The following DNAH11 variants were observed in gnomAD, a reference collection of about 807,000 sequenced individuals.
DNAH11 encodes the protein axonemal beta dynein heavy chain 11.
DNAH11 carries 442 observed loss-of-function variants against 526.0 expected under a neutral mutation model. That is an observed-to-expected ratio of 0.84 (90% CI 0.78 to 0.91). The LOEUF (loss-of-function observed/expected upper bound fraction) is 0.91, where lower values mean the gene tolerates loss of function less well. Ranked by LOEUF, DNAH11 falls within the 40% of genes least tolerant of loss-of-function variation. The pLI is 0.00. For missense variants in DNAH11, 6,989 were observed against 5,448.7 expected, an observed-to-expected ratio of 1.28 and a Z score of -8.90; for synonymous variants, 2,461 against 1,935.9, an observed-to-expected ratio of 1.27 and a Z score of -7.12.
In DNAH11 at chr7:21,635,992, G is replaced by T; in HGVS notation, c.4622G>T (p.Arg1541Leu). Reference sequence around the variant, plus strand: ...ATCTTCACTTGGATGGAAGTCCAGCGAACTTGGTCTCACCTGGAAAGCATT... The same window carrying T: ...ATCTTCACTTGGATGGAAGTCCAGCTAACTTGGTCTCACCTGGAAAGCATT... ...LVIFTWMEVQRTWSHLESIFV... is the reference protein window; with the variant it reads ...LVIFTWMEVQLTWSHLESIFV... Residue 1541 changes from arginine (R) to leucine (L), a missense_variant, in exon 26 of 82, where the codon CGA (arginine) becomes CTA (leucine). Physicochemically the swap from Arg to Leu is moderately radical, Grantham distance 102. Transcript: ENST00000409508. 9 of 1,613,684 alleles carry T rather than the reference G, an allele frequency of 5.6e-6. No individual in the cohort carries two copies. The highest frequency in any genetic ancestry group is 7.6e-6 in the Non-Finnish European group (9 of 1,179,760).
chr7:21,762,757 G>A (rs1786977551), intron 54 of DNAH11, among the ~76,000 whole-genome samples: 1 of 152,078 alleles, frequency 6.6e-6, no homozygotes, highest in Non-Finnish European at 1.5e-5. Flanking sequence ...GAATCAACTT[G>A]AAATAAATTA....
At chr7:21,883,552 C>T (rs1299512595) in intron 75 of DNAH11, among the ~76,000 whole-genome samples, 2 of 152,132 alleles carry the variant, frequency 1.3e-5, no homozygotes, top group Non-Finnish European at 2.9e-5. Context: ...CTAAATACAC[C>T]CCAAATTCAA....
At chr7:21,760,775 G>C (rs1786864389) in intron 54 of DNAH11, among the ~76,000 whole-genome samples, 1 of 152,142 alleles carries the variant, frequency 6.6e-6, no homozygotes, top group Non-Finnish European at 1.5e-5. Flanking sequence ...GCTTCCATTA[G>C]AGTCCATGAA....
At chr7:21,566,234 C>A (rs1246765269) in intron 6 of DNAH11, among the ~76,000 whole-genome samples, 1 of 152,154 alleles carries the variant, frequency 6.6e-6, no homozygotes, top group African/African-American at 2.4e-5. Context: ...TCTAGTCTTT[C>A]AACAGCCAGA....
intron 54 of DNAH11, among the ~76,000 whole-genome samples, chr7:21,758,580 A>G (rs1444098112): frequency 6.6e-6 from 1 of 152,190 alleles, no homozygotes; most frequent in Non-Finnish European, 1.5e-5. Context: ...TAAAATCACA[A>G]CGATGTACTT....
intron 54 of DNAH11, among the ~76,000 whole-genome samples, chr7:21,762,564 G>A (rs10227372): frequency 0.87 from 132,649 of 152,244 alleles, 58,268 homozygotes; most frequent in Non-Finnish European, 0.92. Flanking sequence ...TTGAGATATA[G>A]GTAAAAACTA....
intron 63 of DNAH11, among the ~76,000 whole-genome samples, chr7:21,808,472 G>A (rs1356185050): frequency 1.3e-5 from 2 of 151,968 alleles, no homozygotes; most frequent in African/African-American, 4.8e-5. Flanking sequence ...ATTGAGTACT[G>A]GCACTTATTT....
At chr7:21,648,737 A>G (rs966753551) in intron 28 of DNAH11, among the ~76,000 whole-genome samples, 8 of 152,216 alleles carry the variant, frequency 5.3e-5, no homozygotes, top group Admixed American at 2.0e-4. Flanking sequence ...ATATATGTGT[A>G]TGTGGATATA....
chr7:21,593,575 G>A (rs1465515461), intron 14 of DNAH11, among the ~76,000 whole-genome samples: 3 of 152,066 alleles, frequency 2.0e-5, no homozygotes, highest in Non-Finnish European at 4.4e-5. Flanking sequence ...TGAGGGAAAT[G>A]GGATTTAGTA....
In DNAH11 at chr7:21,661,826, A is replaced by AT. The variant is rs1010247122; in HGVS notation, c.5328+2805dup. On this transcript the variant is annotated intron_variant, in intron 30 of 81. Coordinates refer to ENST00000409508, the MANE Select transcript of DNAH11 (RefSeq NM_001277115.2). ...ACTTAGTTAGTATATGGAAAATACT[A>AT]TTTTTTTTTTGAGATGGAGTTTCGC... Among the ~76,000 whole-genome samples, 34 of 149,718 alleles carry AT rather than the reference A, an allele frequency of 2.3e-4. 1 individual carries two copies. The highest frequency in any genetic ancestry group is 2.2e-4 in the African/African-American group (9 of 40,924).
At chr7:21,646,239 A>T (rs901946834) in intron 28 of DNAH11, among the ~76,000 whole-genome samples, 6 of 152,230 alleles carry the variant, frequency 3.9e-5, no homozygotes, top group African/African-American at 1.2e-4. Flanking sequence ...AGATAACAGG[A>T]TGGCCAAGAT....
At chr7:21,591,672 C>G (rs1474736905) in intron 14 of DNAH11, 95 bp downstream of exon 14, 1 of 1,279,482 alleles carries the variant, frequency 7.8e-7, no homozygotes, top group South Asian at 2.2e-5. Context: ...ACTCTTTTAT[C>G]AAGCCTGAAA....
chr7:21,735,595 C>G (rs1220654631), intron 45 of DNAH11, 45 bp from the exon 46 acceptor site: 3 of 1,535,072 alleles, frequency 2.0e-6, no homozygotes, highest in Non-Finnish European at 2.6e-6. Context: ...CGCACGCACT[C>G]TCTCTCTCTT....
rs138693400 is a variant in DNAH11, at chr7:21,815,049, G to A, written c.10333-1418G>A. Among the ~76,000 whole-genome samples the A allele has an allele frequency of 1.5e-4, 23 of 152,094 alleles. No homozygotes were observed. In the East Asian group the frequency reaches 4.1e-3, roughly 27 times the overall value. On this transcript the variant is annotated intron_variant, in intron 63 of 81. Coordinates refer to ENST00000409508, the MANE Select transcript of DNAH11 (RefSeq NM_001277115.2). ...TATTTCTTCATTTATATTGAACTGG[G>A]TTTTATTTCCCCTACTGAGCAGGAA...
intron 56 of DNAH11, among the ~76,000 whole-genome samples, chr7:21,776,145 T>A (rs981209301): frequency 6.6e-6 from 1 of 152,190 alleles, no homozygotes; most frequent in Admixed American, 6.5e-5. Context: ...CGATTCACTA[T>A]GTCTGCCAAG....
chr7:21,805,171 C>G (rs568804512), intron 62 of DNAH11, among the ~76,000 whole-genome samples: 1 of 152,216 alleles, frequency 6.6e-6, no homozygotes, highest in African/African-American at 2.4e-5. Flanking sequence ...CTCGTTCACA[C>G]GCACACATAC....
intron 66 of DNAH11, chr7:21,851,196 G>C (rs1304370979): frequency 5.4e-6 from 1 of 185,066 alleles, no homozygotes; most frequent in Non-Finnish European, 1.1e-5. Context: ...TGCTGTTCTT[G>C]TGATAGTGAG....
chr7:21,579,205 C>T (rs1191802140), intron 8 of DNAH11, among the ~76,000 whole-genome samples: 2 of 152,122 alleles, frequency 1.3e-5, no homozygotes, highest in Non-Finnish European at 2.9e-5. Context: ...CTAATAAAGG[C>T]AATTATGCAG....
intron 28 of DNAH11, among the ~76,000 whole-genome samples, chr7:21,647,513 T>G (rs969288330): frequency 2.7e-5 from 4 of 147,990 alleles, no homozygotes; most frequent in Non-Finnish European, 5.9e-5. Flanking sequence ...CACTGCAGGC[T>G]CCGCCTCCCA....
Sources: gnomAD v4.1 joint callset for allele counts (sites outside exome capture counted in the v4.1 genomes callset) on GRCh38, gnomAD v4.1.1 for gene constraint, MANE v1.5 for transcripts, NCBI Gene and HGNC (gene_info 2026-07-23, HGNC 2026-07-21) for gene names.